MEI4: variants seen among roughly 807,000 people sequenced by gnomAD.
MEI4 encodes meiotic double-stranded break formation protein 4.
A neutral mutation model predicts 31.4 loss-of-function variants in MEI4; 27 were observed. That is an observed-to-expected ratio of 0.86 (90% CI 0.63 to 1.19). The LOEUF is 1.19. Ranked by LOEUF, MEI4 falls within the 50% of genes most tolerant of loss-of-function variation. The pLI, the probability that MEI4 is intolerant of heterozygous loss-of-function variation, is 0.00. For synonymous variants in MEI4, 122 were observed against 145.4 expected (o/e 0.84, Z 1.16); for missense variants, 329 against 398.9 (o/e 0.82, Z 1.49).
At chr6:77,665,677 G>T (rs1204485897) in intron 1 of MEI4, among the ~76,000 whole-genome samples, 3 of 152,214 alleles carry the variant, frequency 2.0e-5, no homozygotes, top group African/African-American at 7.2e-5. Flanking sequence ...TGCCTTCCCA[G>T]TCCGTGACCG....
At chr6:77,908,535 G>A (rs1264847951) in intron 4 of MEI4, among the ~76,000 whole-genome samples, 1 of 152,084 alleles carries the variant, frequency 6.6e-6, no homozygotes, top group Non-Finnish European at 1.5e-5. Flanking sequence ...GTATCATGCT[G>A]TTTTGGTTAC....
At chr6:77,797,485 C>T (rs1769111004) in intron 3 of MEI4, among the ~76,000 whole-genome samples, 1 of 152,080 alleles carries the variant, frequency 6.6e-6, no homozygotes, top group Admixed American at 6.6e-5. Flanking sequence ...GGGCCATCTG[C>T]AAGCTGAGGA....
At chr6:77,867,796 A>T (rs1771084563) in intron 4 of MEI4, among the ~76,000 whole-genome samples, 1 of 152,226 alleles carries the variant, frequency 6.6e-6, no homozygotes, top group African/African-American at 2.4e-5. Context: ...TATTCACAAT[A>T]GCAAAGACTT....
intron 4 of MEI4, among the ~76,000 whole-genome samples, chr6:77,922,513 G>T (rs557036271): frequency 1.3e-5 from 2 of 151,680 alleles, no homozygotes; most frequent in South Asian, 4.2e-4. Context: ...AGGCCTTTCT[G>T]TGACTTGACT....
intron 4 of MEI4, among the ~76,000 whole-genome samples, chr6:77,909,162 C>G (rs1291864857): frequency 6.6e-6 from 1 of 152,012 alleles, no homozygotes; most frequent in Non-Finnish European, 1.5e-5. Flanking sequence ...TCTCTCAGAC[C>G]ACAGTGCAAT....
At chr6:77,671,397 CTG>C (rs2127645800) in intron 1 of MEI4, among the ~76,000 whole-genome samples, 1 of 152,134 alleles carries the variant, frequency 6.6e-6, no homozygotes, top group East Asian at 1.9e-4. Flanking sequence ...GTTTATTAGT[CTG>C]TTAATTTCCT....
chr6:77,756,947 A>G (rs1767933227), intron 2 of MEI4, among the ~76,000 whole-genome samples: 1 of 152,208 alleles, frequency 6.6e-6, no homozygotes, highest in African/African-American at 2.4e-5. Context: ...TAAGGAACTC[A>G]TAAACAAGTG....
intron 3 of MEI4, among the ~76,000 whole-genome samples, chr6:77,792,485 TG>T (rs1768963635): frequency 2.0e-5 from 3 of 152,316 alleles, no homozygotes; most frequent in Admixed American, 1.3e-4. Context: ...TTTGTCTTTT[TG>T]ATGGTAATCA....
At chr6:77,655,680 G>A (rs1314748667) in intron 1 of MEI4, among the ~76,000 whole-genome samples, 1 of 152,080 alleles carries the variant, frequency 6.6e-6, no homozygotes, top group Non-Finnish European at 1.5e-5. Flanking sequence ...AATAACGAAA[G>A]TACAGGAATC....
chr6:77,885,339 C>A (rs1477748792), intron 4 of MEI4, among the ~76,000 whole-genome samples: 1 of 151,936 alleles, frequency 6.6e-6, no homozygotes, highest in African/African-American at 2.4e-5. Flanking sequence ...GTATGCACCA[C>A]CATGCCCAGC....
chr6:77,690,095 A>C (rs561067324), intron 1 of MEI4, among the ~76,000 whole-genome samples: 1 of 152,184 alleles, frequency 6.6e-6, no homozygotes, highest in Admixed American at 6.6e-5. Flanking sequence ...TGATGCAAAT[A>C]TTTAAAAGAT....
intron 1 of MEI4, among the ~76,000 whole-genome samples, chr6:77,679,795 C>CA (rs1243339427): frequency 1.3e-5 from 2 of 151,756 alleles, no homozygotes; most frequent in African/African-American, 2.4e-5. Context: ...GGCTGGAGTG[C>CA]AGTGGTGTGA....
intron 2 of MEI4, among the ~76,000 whole-genome samples, chr6:77,753,957 T>C (rs1034485860): frequency 6.6e-6 from 1 of 152,112 alleles, no homozygotes; most frequent in Non-Finnish European, 1.5e-5. Context: ...TGCAGGGACA[T>C]GGATGAAGCT....
chr6:77,791,699 T>A (rs1407527559), intron 3 of MEI4, among the ~76,000 whole-genome samples: 1 of 151,068 alleles, frequency 6.6e-6, no homozygotes, highest in Non-Finnish European at 1.5e-5. Flanking sequence ...AAAAGAAATA[T>A]CTGTACATTG....
At chr6:77,826,722 A>G (rs1400975911) in intron 3 of MEI4, among the ~76,000 whole-genome samples, 1 of 151,922 alleles carries the variant, frequency 6.6e-6, no homozygotes, top group East Asian at 1.9e-4. Context: ...CCAGGGCTCT[A>G]CCTAATAAGT....
chr6:77,672,572 C>T (rs1474528245), intron 1 of MEI4, among the ~76,000 whole-genome samples: 1 of 152,142 alleles, frequency 6.6e-6, no homozygotes, highest in Non-Finnish European at 1.5e-5. Context: ...TGGAATCTCA[C>T]TCTGTTGCCC....
intron 1 of MEI4, among the ~76,000 whole-genome samples, chr6:77,665,981 C>T (rs902212702): frequency 2.6e-4 from 40 of 152,214 alleles, no homozygotes; most frequent in Middle Eastern, 6.8e-3. Context: ...TCCCCCGATC[C>T]GAGTCACGGC....
At chr6:77,919,113 C>G (rs1474629066) in intron 4 of MEI4, among the ~76,000 whole-genome samples, 2 of 151,858 alleles carry the variant, frequency 1.3e-5, no homozygotes, top group Non-Finnish European at 2.9e-5. Context: ...AACAAGGATA[C>G]CCAGGAATTG....
Position 77,808,667 on chromosome 6 carries a change from TTTTGAGGGTGTCACAGG to T in MEI4, c.769-20261_769-20245del, listed in dbSNP as rs572103763. ...AGAGTTTCATCACTATTAAAAGCTG[TTTTGAGGGTGTCACAGG>T]TTGAATTCCCTGGGAAGCAGATTCT... On this transcript the variant is annotated intron_variant, in intron 3 of 4. Coordinates refer to ENST00000684080, the MANE Select transcript of MEI4 (RefSeq NM_001322247.2). Among the ~76,000 whole-genome samples the T allele has an allele frequency of 9.9e-5, 15 of 152,192 alleles. No individual in the cohort carries two copies. The South Asian group carries it at 3.1e-3, about 32-fold the overall frequency.
Sources: allele counts gnomAD v4.1 joint callset (sites outside exome capture counted in the v4.1 genomes callset), GRCh38; gene constraint gnomAD v4.1.1; transcripts MANE v1.5; gene names NCBI Gene and HGNC (gene_info 2026-07-23, HGNC 2026-07-21).